Variants in C12orf42 observed in about 807,000 individuals in gnomAD.
C12orf42 encodes uncharacterized protein C12orf42.
C12orf42 carries 25 observed loss-of-function variants against 21.6 expected under a neutral mutation model. The observed-to-expected ratio is 1.16, with a 90% CI of 0.84 to 1.62. The LOEUF is 1.62. C12orf42 is among the 40% of genes most tolerant of loss of function. C12orf42 has a pLI of 0.00. For synonymous variants in C12orf42, 174 were observed against 175.0 expected, an observed-to-expected ratio of 0.99 and a Z score of 0.05; for missense variants, 483 against 459.3, an observed-to-expected ratio of 1.05 and a Z score of -0.47.
intron 2 of C12orf42, among the ~76,000 whole-genome samples, chr12:103,424,004 T>C (rs1255768115): frequency 6.6e-6 from 1 of 152,372 alleles, no homozygotes; most frequent in Non-Finnish European, 1.5e-5. Context: ...ATTCTGTTTA[T>C]ATTTTTGTTA....
At chr12:103,123,421 C>T in the C12orf42 span, among the ~76,000 whole-genome samples, 1 of 152,042 alleles carries the variant, frequency 6.6e-6, no homozygotes, top group Non-Finnish European at 1.5e-5. Flanking sequence ...GTTGTCCCCA[C>T]TTTGGGTCAG....
At chr12:103,205,393 G>A in the C12orf42 span, among the ~76,000 whole-genome samples, 1 of 152,154 alleles carries the variant, frequency 6.6e-6, no homozygotes, top group Non-Finnish European at 1.5e-5. Context: ...ATGGTGGCAG[G>A]CAAGAGAGCA....
chr12:103,086,984 T>C, the C12orf42 span, among the ~76,000 whole-genome samples: 3 of 152,202 alleles, frequency 2.0e-5, no homozygotes, highest in Admixed American at 2.0e-4. Flanking sequence ...AACCCAAGGG[T>C]ATTATCAAAA....
chr12:103,553,701 T>C, the C12orf42 span, among the ~76,000 whole-genome samples: 1 of 152,188 alleles, frequency 6.6e-6, no homozygotes, highest in African/African-American at 2.4e-5. Context: ...CCCCACCTGC[T>C]CACTGTGTTC....
chr12:103,433,961 T>C (rs566756223), intron 2 of C12orf42, among the ~76,000 whole-genome samples: 1 of 152,346 alleles, frequency 6.6e-6, no homozygotes, highest in Admixed American at 6.5e-5. Context: ...TAAAATGGCA[T>C]GATGTTCGAG....
the C12orf42 span, among the ~76,000 whole-genome samples, chr12:103,089,619 CTG>C: frequency 0.41 from 58,907 of 145,190 alleles, 11,695 homozygotes; most frequent in East Asian, 0.49. Flanking sequence ...GTGTGTGTGT[CTG>C]TGTGTGTGTG....
At chr12:103,339,231 G>A (rs1338766656) in intron 4 of C12orf42, among the ~76,000 whole-genome samples, 2 of 152,096 alleles carry the variant, frequency 1.3e-5, no homozygotes, top group African/African-American at 2.4e-5. Flanking sequence ...TAAGTTCAGG[G>A]GTACGAGTAC....
intron 4 of C12orf42, among the ~76,000 whole-genome samples, chr12:103,354,224 T>C (rs2043334866): frequency 6.6e-6 from 1 of 152,106 alleles, no homozygotes; most frequent in Non-Finnish European, 1.5e-5. Context: ...TGATGGTGTA[T>C]GATAACAGTC....
chr12:103,528,184 A>T, the C12orf42 span, among the ~76,000 whole-genome samples: 3 of 152,392 alleles, frequency 2.0e-5, no homozygotes, highest in Admixed American at 1.3e-4. Flanking sequence ...ATAGGGATAG[A>T]TATAGACATA....
chr12:103,158,590 T>C, the C12orf42 span, among the ~76,000 whole-genome samples: 1 of 152,068 alleles, frequency 6.6e-6, no homozygotes, highest in Non-Finnish European at 1.5e-5. Context: ...AATATAAAAA[T>C]GGATTGATGG....
intron 1 of C12orf42, among the ~76,000 whole-genome samples, chr12:103,493,277 C>T (rs1259910459): frequency 1.3e-5 from 2 of 152,184 alleles, no homozygotes; most frequent in Admixed American, 6.5e-5. Flanking sequence ...TCTCTCAAAC[C>T]TCATCTTGCA....
chr12:103,401,025 C>T (rs1446169006), intron 3 of C12orf42, among the ~76,000 whole-genome samples: 1 of 152,174 alleles, frequency 6.6e-6, no homozygotes, highest in Non-Finnish European at 1.5e-5. Flanking sequence ...ATCTGGAAAG[C>T]TACCACAGCT....
the C12orf42 span, among the ~76,000 whole-genome samples, chr12:103,092,861 C>T: frequency 6.6e-6 from 1 of 152,208 alleles, no homozygotes; most frequent in Non-Finnish European, 1.5e-5. Flanking sequence ...TTCTTTGCCG[C>T]TCTGTCCAGA....
At chr12:103,070,862 G>A in the C12orf42 span, among the ~76,000 whole-genome samples, 4 of 152,216 alleles carry the variant, frequency 2.6e-5, no homozygotes, top group East Asian at 5.8e-4. Flanking sequence ...TGATTGTCAC[G>A]ACACTGAAAA....
chr12:103,061,839 T>C, the C12orf42 span, among the ~76,000 whole-genome samples: 204 of 152,070 alleles, frequency 1.3e-3, no homozygotes, highest in Middle Eastern at 6.8e-3. Context: ...ACACATATAT[T>C]TCATATTTAC....
intron 4 of C12orf42, among the ~76,000 whole-genome samples, chr12:103,315,255 G>T (rs1421488214): frequency 6.6e-6 from 1 of 152,082 alleles, no homozygotes; most frequent in Admixed American, 6.6e-5. Flanking sequence ...ACCAAATTCA[G>T]ATATGACATG....
the C12orf42 span, among the ~76,000 whole-genome samples, chr12:103,209,082 T>C: frequency 6.6e-6 from 1 of 152,152 alleles, no homozygotes; most frequent in African/African-American, 2.4e-5. Context: ...ACAATCAAAT[T>C]TGAGCATCAT....
the C12orf42 span, among the ~76,000 whole-genome samples, chr12:103,560,921 G>A: frequency 1.4e-4 from 21 of 152,172 alleles, no homozygotes; most frequent in Non-Finnish European, 2.6e-4. Context: ...ATATCTAGGC[G>A]TCACTGGGAG....
chr12:103,466,593 T>C (rs908312750), intron 2 of C12orf42, among the ~76,000 whole-genome samples: 1 of 152,000 alleles, frequency 6.6e-6, no homozygotes, highest in African/African-American at 2.4e-5. Context: ...CTCCTCTCCA[T>C]CTTCCTCTCT....
Sources: allele counts gnomAD v4.1 joint callset (sites outside exome capture counted in the v4.1 genomes callset), GRCh38; gene constraint gnomAD v4.1.1; transcripts MANE v1.5; gene names NCBI Gene and HGNC (gene_info 2026-07-23, HGNC 2026-07-21).